Variants in TBC1D5 observed in about 807,000 individuals in gnomAD.
TBC1D5 encodes the protein TBC1 domain family, member 5.
A neutral mutation model predicts 100.3 loss-of-function variants in TBC1D5; 75 were observed. That is an observed-to-expected ratio of 0.75 (90% CI 0.62 to 0.91). The LOEUF (loss-of-function observed/expected upper bound fraction) is 0.91. TBC1D5 is among the 40% of genes least tolerant of loss of function. TBC1D5 has a pLI of 0.00. For missense variants in TBC1D5, 910 were observed against 942.4 expected, an observed-to-expected ratio of 0.97 and a Z score of 0.45; for synonymous variants, 323 against 325.6, an observed-to-expected ratio of 0.99 and a Z score of 0.09.
At chr3:17,726,484 A>G (rs1383174947) in intron 1 of TBC1D5, among the ~76,000 whole-genome samples, 2 of 152,178 alleles carry the variant, frequency 1.3e-5, no homozygotes, top group Non-Finnish European at 2.9e-5. Context: ...ATTTATTCAT[A>G]TGCTTATGGC....
At chr3:17,309,421 T>C (rs1018791456) in intron 13 of TBC1D5, among the ~76,000 whole-genome samples, 4 of 152,042 alleles carry the variant, frequency 2.6e-5, no homozygotes, top group Non-Finnish European at 5.9e-5. Context: ...TGCCGAAGTA[T>C]TGTTTATCTT....
Position 17,262,482 on chromosome 3 carries a change from T to G in TBC1D5, c.1246-3891A>C, listed in dbSNP as rs1377828245. ...CATGAGCATTTCCAAAACAATGTTT[T>G]TTTTTTTTTTTTTTTTTGAGACAGG... On this transcript the variant is annotated intron_variant, in intron 15 of 21. Transcript: ENST00000253692. Among the ~76,000 whole-genome samples, 8 of 144,352 alleles carry G rather than the reference T, an allele frequency of 5.5e-5. No individual in the cohort carries two copies. In the East Asian group the frequency reaches 1.4e-3, roughly 25 times the overall value. 94.7% of individuals were successfully genotyped at this position (144,352 alleles called of 152,430 possible). A position where few individuals can be genotyped will look rare whatever the true frequency, so the allele number is the denominator to read the frequency against.
chr3:17,250,778 T>C (rs79659255), intron 16 of TBC1D5, among the ~76,000 whole-genome samples: 9,217 of 152,318 alleles, frequency 0.061, 497 homozygotes, highest in East Asian at 0.18. Flanking sequence ...ATTGGTTTTG[T>C]GTTTCTTATA....
intron 1 of TBC1D5, chr3:17,672,570 G>A (rs1335715350): frequency 6.6e-6 from 1 of 152,156 alleles, no homozygotes; most frequent in Non-Finnish European, 1.5e-5. Context: ...TTTTCAAACA[G>A]ATGCAAAACA....
chr3:17,453,279 C>T (rs922419738), intron 3 of TBC1D5, among the ~76,000 whole-genome samples: 2 of 150,760 alleles, frequency 1.3e-5, no homozygotes, highest in Non-Finnish European at 3.0e-5. Flanking sequence ...GCAAACCAAA[C>T]CCAAAATTAG....
At chr3:17,368,693 T>C (rs1240142446) in intron 13 of TBC1D5, among the ~76,000 whole-genome samples, 1 of 151,770 alleles carries the variant, frequency 6.6e-6, no homozygotes, top group Admixed American at 6.6e-5. Context: ...TTATTTTCTT[T>C]TTAAATTTTT....
intron 19 of TBC1D5, among the ~76,000 whole-genome samples, chr3:17,168,799 A>G (rs1226604925): frequency 6.6e-6 from 1 of 152,168 alleles, no homozygotes; most frequent in African/African-American, 2.4e-5. Context: ...GCGTAAAAAA[A>G]TGCCCACTTA....
intron 18 of TBC1D5, among the ~76,000 whole-genome samples, chr3:17,201,794 C>T (rs1575920123): frequency 6.6e-6 from 1 of 152,178 alleles, no homozygotes; most frequent in Non-Finnish European, 1.5e-5. Context: ...TTTCCTGAGG[C>T]CTCCCCAGCC....
In TBC1D5 at chr3:17,484,378, C is replaced by T. The variant is rs577858828; in HGVS notation, c.97+24096G>A. Among the ~76,000 whole-genome samples, 3 of 152,088 alleles carry T rather than the reference C, an allele frequency of 2.0e-5. 1 individual carries two copies. In the South Asian group the frequency reaches 6.2e-4, roughly 32 times the overall value. On this transcript the variant is annotated intron_variant, in intron 3 of 21. Transcript: ENST00000253692. ...ACTCAAAAATTGATAAAAGGTCTCC[C>T]GCCCCAGGTTTGGGTAACAATCATA...
At chr3:17,401,238 CATGTATGTGTATAATAT>C in intron 8 of TBC1D5, among the ~76,000 whole-genome samples, 2 of 145,872 alleles carry the variant, frequency 1.4e-5, no homozygotes, top group Admixed American at 6.9e-5. Flanking sequence ...CACACACACA[CATGTATGTGTATAATAT>C]ACATATATAT....
chr3:17,334,529 A>G (rs1186736167), intron 13 of TBC1D5, among the ~76,000 whole-genome samples: 3 of 152,138 alleles, frequency 2.0e-5, no homozygotes, highest in Non-Finnish European at 4.4e-5. Flanking sequence ...AACATTACAG[A>G]GCTATGAAAA....
chr3:17,557,370 T>C (rs781301431), intron 2 of TBC1D5, among the ~76,000 whole-genome samples: 4 of 152,232 alleles, frequency 2.6e-5, no homozygotes, highest in African/African-American at 4.8e-5. Flanking sequence ...TTTGGATGTA[T>C]GTTTTTGAGG....
intron 13 of TBC1D5, among the ~76,000 whole-genome samples, chr3:17,316,402 C>T (rs913504909): frequency 3.9e-5 from 6 of 152,124 alleles, no homozygotes; most frequent in Non-Finnish European, 7.4e-5. Flanking sequence ...TGTAATCAAG[C>T]GTATGAGCCC....
In TBC1D5 at chr3:17,719,734, A is replaced by G. The variant is rs1288819332; in HGVS notation, c.-101+19609T>C. Reference sequence around the variant, plus strand: ...TAAAACAGAGGCTCACTCAAACTTAACCTATAATTTTTCACATAGTACATT... The same window carrying G: ...TAAAACAGAGGCTCACTCAAACTTAGCCTATAATTTTTCACATAGTACATT... On this transcript the variant is annotated intron_variant, in intron 1 of 21. Transcript: ENST00000253692. 7.2e-5 allele frequency among the ~76,000 whole-genome samples: 11 copies of G among 152,180 alleles called. No homozygotes were observed. The South Asian group carries it at 2.3e-3, about 32-fold the overall frequency.
At chr3:17,233,656 G>A (rs2075616992) in intron 17 of TBC1D5, 29 bp downstream of exon 18, 2 of 1,372,688 alleles carry the variant, frequency 1.5e-6, no homozygotes, top group African/African-American at 1.5e-5. Context: ...CAAAGAAAAA[G>A]AAACACTATG....
chr3:17,731,460 C>A (rs540123345), intron 1 of TBC1D5, among the ~76,000 whole-genome samples: 1 of 142,312 alleles, frequency 7.0e-6, no homozygotes, highest in South Asian at 2.2e-4. Flanking sequence ...GAGCTGAGAT[C>A]GTGCCACTGC....
intron 4 of TBC1D5, among the ~76,000 whole-genome samples, chr3:17,407,906 T>C (rs2093815966): frequency 6.6e-6 from 1 of 152,152 alleles, no homozygotes; most frequent in South Asian, 2.1e-4. Context: ...TCTATTAGTT[T>C]AAAAAATCTG....
intron 2 of TBC1D5, among the ~76,000 whole-genome samples, chr3:17,512,108 GA>G (rs747854815): frequency 2.6e-5 from 4 of 151,936 alleles, no homozygotes; most frequent in Non-Finnish European, 5.9e-5. Context: ...ATTACCTTAT[GA>G]AATCATAACA....
At chr3:17,167,042 AT>A in intron 20 of TBC1D5, 114 bp from the exon 22 acceptor site, 3 of 977,268 alleles carry the variant, frequency 3.1e-6, no homozygotes, top group Non-Finnish European at 1.4e-6. Context: ...TTTTTATAGT[AT>A]GAATATTAAT....
Sources: gnomAD v4.1 joint callset for allele counts (sites outside exome capture counted in the v4.1 genomes callset) on GRCh38, gnomAD v4.1.1 for gene constraint, MANE v1.5 for transcripts, NCBI Gene and HGNC (gene_info 2026-07-23, HGNC 2026-07-21) for gene names.